CYP39A1: variants seen among roughly 807,000 people sequenced by gnomAD.
CYP39A1 encodes the protein cytochrome P450 family 39 subfamily A member 1.
In CYP39A1, 49 loss-of-function variants were observed where a neutral mutation model predicts 58.1. The observed-to-expected ratio is 0.84, with a 90% CI of 0.67 to 1.07. CYP39A1 has a LOEUF of 1.07. Ranked by LOEUF, CYP39A1 falls within the 50% of genes least tolerant of loss-of-function variation. The pLI is 0.00. For synonymous variants in CYP39A1, 209 were observed against 187.6 expected (o/e 1.11, Z -0.93); for missense variants, 531 against 539.4 (o/e 0.98, Z 0.16).
At chr6:46,570,436 C>A (rs1358482137) in intron 10 of CYP39A1, among the ~76,000 whole-genome samples, 2 of 151,878 alleles carry the variant, frequency 1.3e-5, no homozygotes, top group African/African-American at 4.8e-5. Context: ...TATTTGAGGT[C>A]TTTCTTTATT....
intron 10 of CYP39A1, chr6:46,583,106 G>A: frequency 1.0e-6 from 1 of 985,338 alleles, no homozygotes; most frequent in Non-Finnish European, 1.2e-6. Context: ...TACACAAAAA[G>A]TAAAAATCAC....
At chr6:46,593,330 G>A (rs1582356201) in intron 8 of CYP39A1, among the ~76,000 whole-genome samples, 1 of 152,042 alleles carries the variant, frequency 6.6e-6, no homozygotes, top group African/African-American at 2.4e-5. Flanking sequence ...GAATATGGGA[G>A]GTTAATAGCC....
rs142810607 is a variant in CYP39A1 at position 46,564,269 on chromosome 6, G to A, written c.1251-10415C>T. Among the ~76,000 whole-genome samples, 519 of 151,218 alleles carry A rather than the reference G, an allele frequency of 3.4e-3. 3 individuals are homozygous for A. Among genetic ancestry groups the A allele is most frequent in the African/African-American group, 0.012 (491 of 41,050 alleles). On this transcript the variant is annotated intron_variant, in intron 10 of 11. Transcript: ENST00000275016. Reference sequence around the variant, plus strand: ...TGCAGTGGTGTGATCTCGGCTCACTGCAATCTCTGCCTCAGGGGTTCAAGC... The same window carrying A: ...TGCAGTGGTGTGATCTCGGCTCACTACAATCTCTGCCTCAGGGGTTCAAGC...
chr6:46,602,449 C>G (rs1773568875), intron 7 of CYP39A1, among the ~76,000 whole-genome samples: 1 of 151,954 alleles, frequency 6.6e-6, no homozygotes, highest in African/African-American at 2.4e-5. Flanking sequence ...ATGTGGGGCC[C>G]AAGAGTTTGC....
intron 10 of CYP39A1, among the ~76,000 whole-genome samples, chr6:46,572,292 T>C (rs1771631284): frequency 6.6e-6 from 1 of 152,176 alleles, no homozygotes; most frequent in Non-Finnish European, 1.5e-5. Flanking sequence ...TTTTATGTTA[T>C]TAATTTGTGT....
At chr6:46,610,927 G>A (rs1774179121) in intron 7 of CYP39A1, among the ~76,000 whole-genome samples, 1 of 152,162 alleles carries the variant, frequency 6.6e-6, no homozygotes. Context: ...TAAATGAATA[G>A]GAAGGAGAGA....
chr6:46,568,010 G>T (rs1221881892), intron 10 of CYP39A1, among the ~76,000 whole-genome samples: 1 of 151,822 alleles, frequency 6.6e-6, no homozygotes, highest in East Asian at 1.9e-4. Context: ...AAAAAAACAG[G>T]TGTATGTAAC....
intron 10 of CYP39A1, among the ~76,000 whole-genome samples, chr6:46,571,274 T>A (rs981709998): frequency 6.6e-6 from 1 of 152,146 alleles, no homozygotes. Context: ...CCATGTTTCC[T>A]TATTGATTTT....
chr6:46,594,431 A>T (rs1773020337), intron 8 of CYP39A1, among the ~76,000 whole-genome samples: 2 of 152,230 alleles, frequency 1.3e-5, no homozygotes, highest in South Asian at 4.1e-4. Flanking sequence ...TACAGTAATC[A>T]AAACAGCATG....
chr6:46,602,689 C>CAAA (rs35833432), intron 7 of CYP39A1, among the ~76,000 whole-genome samples: 74 of 46,672 alleles, frequency 1.6e-3, no homozygotes, highest in East Asian at 3.2e-3. Flanking sequence ...GTGCACGTCT[C>CAAA]AAAAAAAAAA....
In CYP39A1 at chr6:46,588,050, G is replaced by A. The variant is rs1772575777; in HGVS notation, c.1145C>T (p.Pro382Leu). The A allele has an allele frequency of 6.3e-7, 1 of 1,578,126 alleles. No individual in the cohort carries two copies. The highest frequency in any genetic ancestry group is 8.6e-7 in the Non-Finnish European group (1 of 1,158,506). Reference sequence around the variant, plus strand: ...ATAACTTACAGGTTTGAACAATTCAGGCTCAGGAAAATACTTTGGATTTCT... The same window carrying A: ...ATAACTTACAGGTTTGAACAATTCAAGCTCAGGAAAATACTTTGGATTTCT... ...LHRNPKYFPE[P>L]ELFKPERWKK... is the part of the protein sequence containing the mutation. The change falls in exon 9 of 12, where the codon CCT becomes CTT. Residue 382 changes from proline to leucine, a missense_variant. Transcript: ENST00000275016.
intron 1 of CYP39A1, among the ~76,000 whole-genome samples, chr6:46,644,372 T>G (rs1245550879): frequency 1.3e-5 from 2 of 152,140 alleles, no homozygotes; most frequent in Non-Finnish European, 2.9e-5. Flanking sequence ...TTAAACATTA[T>G]GAAGGCTGGG....
chr6:46,564,710 C>T (rs907334690), intron 10 of CYP39A1, among the ~76,000 whole-genome samples: 2 of 152,134 alleles, frequency 1.3e-5, no homozygotes, highest in African/African-American at 2.4e-5. Flanking sequence ...AAAGAGAACA[C>T]CTCTCTCTTT....
At chr6:46,610,956 G>C (rs1311343431) in intron 7 of CYP39A1, among the ~76,000 whole-genome samples, 1 of 152,158 alleles carries the variant, frequency 6.6e-6, no homozygotes, top group Non-Finnish European at 1.5e-5. Context: ...GAGAAGGAAG[G>C]CTTAAAAAGC....
intron 6 of CYP39A1, among the ~76,000 whole-genome samples, chr6:46,628,875 T>A (rs1775482095): frequency 6.6e-6 from 1 of 152,210 alleles, no homozygotes; most frequent in Admixed American, 6.5e-5. Flanking sequence ...GGAGATAATT[T>A]TTGTAAGGGA....
At chr6:46,583,863 C>A (rs1772299934) in intron 10 of CYP39A1, among the ~76,000 whole-genome samples, 1 of 152,098 alleles carries the variant, frequency 6.6e-6, no homozygotes, top group African/African-American at 2.4e-5. Flanking sequence ...GCTTGAACTC[C>A]AAGAAGTGAC....
intron 10 of CYP39A1, among the ~76,000 whole-genome samples, chr6:46,584,347 ACTTCAGATCTTGCTCCCAGACT>A (rs1400290355): frequency 1.3e-5 from 2 of 152,040 alleles, no homozygotes; most frequent in Non-Finnish European, 2.9e-5. Flanking sequence ...TCAAAGGAAA[ACTTCAGATCTTGCTCCCAGACT>A]CTCTCTCATT....
chr6:46,590,572 T>A (rs932035104), intron 8 of CYP39A1, among the ~76,000 whole-genome samples: 5 of 152,160 alleles, frequency 3.3e-5, no homozygotes, highest in Admixed American at 2.0e-4. Flanking sequence ...AAGTATTTTT[T>A]AAATTAAAGA....
chr6:46,569,444 G>T (rs1157941952), intron 10 of CYP39A1, among the ~76,000 whole-genome samples: 3 of 151,922 alleles, frequency 2.0e-5, no homozygotes, highest in Admixed American at 6.6e-5. Flanking sequence ...TCCTTGTCTT[G>T]TTCCTGGTCA....
Sources: allele counts gnomAD v4.1 joint callset (sites outside exome capture counted in the v4.1 genomes callset), GRCh38; gene constraint gnomAD v4.1.1; transcripts MANE v1.5; gene names NCBI Gene and HGNC (gene_info 2026-07-23, HGNC 2026-07-21).